Variants in ELP1 observed in about 807,000 individuals in gnomAD.
ELP1 encodes elongator acetyltransferase complex subunit 1, also known as elongator complex protein 1.
ELP1 carries 131 observed loss-of-function variants against 183.2 expected under a neutral mutation model. The ratio of observed to expected loss-of-function variants is 0.72; its 90% confidence interval spans 0.62 to 0.83. The LOEUF (loss-of-function observed/expected upper bound fraction) is 0.83. Ranked by LOEUF, ELP1 falls within the 40% of genes least tolerant of loss-of-function variation. The pLI, the probability that ELP1 is intolerant of heterozygous loss-of-function variation, is 0.00. For synonymous variants in ELP1, 555 were observed against 569.0 expected (o/e 0.98, Z 0.35); for missense variants, 1,550 against 1,594.9 (o/e 0.97, Z 0.48).
chr9:108,884,440 A>C (rs1244813097), intron 29 of ELP1, among the ~76,000 whole-genome samples: 1 of 152,196 alleles, frequency 6.6e-6, no homozygotes, highest in Non-Finnish European at 1.5e-5. Flanking sequence ...CAATAATAGT[A>C]GCTTTCATAT....
chr9:108,927,222 T>C (rs1829849350), intron 4 of ELP1, 150 bp downstream of exon 4: 3 of 669,698 alleles, frequency 4.5e-6, no homozygotes, highest in Non-Finnish European at 8.1e-6. Context: ...CACACACACA[T>C]ACATAATTGG....
At chr9:108,913,049 CGT>C (rs1829292084) in intron 10 of ELP1, among the ~76,000 whole-genome samples, 2 of 152,060 alleles carry the variant, frequency 1.3e-5, no homozygotes, top group Admixed American at 1.3e-4. Context: ...CCTGAGCCAC[CGT>C]GCCTGGCCCA....
In ELP1 at chr9:108,878,059, T is replaced by C. The variant is rs201888676; in HGVS notation, c.3791A>G (p.Gln1264Arg). ...TTCTGGAAGTGACCTTTCCATCAAC[T>C]GCAGCGTATCTTCAAAGGCCTTCTG... ...ELQKAFEDTL[Q>R]LMERSLPEIW... Residue 1264 changes from glutamine (Q) to arginine (R), a missense_variant, in exon 35 of 37, where the codon CAG (glutamine) becomes CGG (arginine). By Grantham distance (43) the Gln-to-Arg change is conservative (BLOSUM62 1). Transcript: ENST00000374647. 10 of 1,613,964 alleles carry C rather than the reference T, an allele frequency of 6.2e-6. No individual in the cohort carries two copies. Among genetic ancestry groups the C allele is most frequent in the South Asian group, 1.1e-5 (1 of 91,082 alleles).
In ELP1 at chr9:108,899,992, A is replaced by G. The variant is rs997153105; in HGVS notation, c.2131-97T>C. ...ACCTAACTCTTCACAGAGAATTACC[A>G]CAACTCTCTAAAATCAGCACACTTT... On this transcript the variant is annotated intron_variant, in intron 19 of 36. Coordinates refer to ENST00000374647, the MANE Select transcript of ELP1 (RefSeq NM_003640.5). 9.3e-6 allele frequency: 9 copies of G among 969,570 alleles called. No homozygotes were observed. In the East Asian group the frequency reaches 1.8e-4, roughly 19 times the overall value. The allele number at this position is 969,570 out of a possible 1,614,324, so 60.1% of individuals were successfully genotyped here.
chr9:108,880,125 G>A lies in ELP1; in HGVS notation c.3387C>T (p.Ala1129=), dbSNP rs760972192. Residue 1129 remains alanine, a synonymous_variant, in exon 32 of 37, where the codon GCC becomes GCT. Coordinates refer to ENST00000374647, the MANE Select transcript of ELP1 (RefSeq NM_003640.5). ...NYMAFLDSQT[A]TFSRHKKRLL... ...AACGTTTCTTGTGGCGACTGAATGT[G>A]GCTGTCTGAGAGTCCAGAAATGCCA... The A allele has an allele frequency of 6.2e-7, 1 of 1,613,978 alleles. No individual in the cohort carries two copies. Among genetic ancestry groups the A allele is most frequent in the East Asian group, 2.2e-5 (1 of 44,904 alleles).
At chr9:108,932,855 T>G (rs945234040) in intron 1 of ELP1, among the ~76,000 whole-genome samples, 1 of 152,174 alleles carries the variant, frequency 6.6e-6, no homozygotes, top group East Asian at 1.9e-4. Flanking sequence ...CTGCCTCCAC[T>G]GATTCAAACT....
At chr9:108,874,824 T>C in intron 36 of ELP1, 71 bp downstream of exon 36, 2 of 1,043,168 alleles carry the variant, frequency 1.9e-6, no homozygotes, top group Non-Finnish European at 3.0e-6. Flanking sequence ...ATACTGCTGA[T>C]CTTCTCAATA....
intron 36 of ELP1, among the ~76,000 whole-genome samples, chr9:108,872,913 CTT>C (rs1187986364): frequency 4.0e-5 from 6 of 148,560 alleles, no homozygotes; most frequent in African/African-American, 1.5e-4. Flanking sequence ...TGATTCTAGA[CTT>C]AACTTGAAAT....
Position 108,918,886 on chromosome 9 carries a change from C to G in ELP1, c.665G>C (p.Arg222Thr). The change falls in exon 8 of 37, where the codon AGA becomes ACA. Residue 222 changes from arginine to threonine, a missense_variant. Physicochemically the swap from Arg to Thr is moderately conservative, Grantham distance 71. Coordinates refer to ENST00000374647, the MANE Select transcript of ELP1 (RefSeq NM_003640.5). ...CAAAGCAAACTCTCGGTTCCACACT[C>G]TGACCTTCCGAGCCCCTGTGCGGGA... ...VCPETGARKV[R>T]VWNREFALQS... is the part of the protein sequence containing the mutation. The G allele has an allele frequency of 6.2e-7, 1 of 1,614,116 alleles. No individual in the cohort carries two copies. Among genetic ancestry groups the G allele is most frequent in the Non-Finnish European group, 8.5e-7 (1 of 1,179,942 alleles).
At chr9:108,877,130 G>A (rs896258161) in intron 35 of ELP1, among the ~76,000 whole-genome samples, 16 of 152,248 alleles carry the variant, frequency 1.1e-4, no homozygotes, top group Middle Eastern at 6.8e-3. Flanking sequence ...GCCAGGATTA[G>A]CTGGCTGGCA....
At chr9:108,898,774 G>C in intron 20 of ELP1, 25 bp from the exon 21 acceptor site, 3 of 1,547,020 alleles carry the variant, frequency 1.9e-6, no homozygotes, top group South Asian at 1.1e-5. Context: ...AGAAAGAATA[G>C]AAAAGATATT....
chr9:108,903,560 C>G lies in ELP1; in HGVS notation c.1750+3G>C. On this transcript the variant is annotated splice_donor_region_variant and intron_variant, in intron 15 of 36. Transcript: ENST00000374647. Reference sequence around the variant, plus strand: ...CATGCTTTCCTAACACCTTGATACTCACCCCAAAGGTACTTAAATATCTGG... The same window carrying G: ...CATGCTTTCCTAACACCTTGATACTGACCCCAAAGGTACTTAAATATCTGG... 1.9e-6 allele frequency: 3 copies of G among 1,594,648 alleles called. No individual in the cohort carries two copies. Among genetic ancestry groups the G allele is most frequent in the Non-Finnish European group, 2.6e-6 (3 of 1,162,482 alleles).
Position 108,929,781 on chromosome 9 carries a change from G to A in ELP1, c.291C>T (p.Leu97=). The A allele has an allele frequency of 6.2e-7, 1 of 1,614,060 alleles. No homozygotes were observed. The highest frequency in any genetic ancestry group is 8.5e-7 in the Non-Finnish European group (1 of 1,180,028). The part of the protein sequence containing the change: ...TASGDVILCS[L]STQQLECVGS... ...GTCTTCCACTTACCTGTTGTGTGCT[G>A]AGACTGCAGAGTATGACGTCTCCAG... The change falls in exon 3 of 37, where the codon CTC becomes CTT. Residue 97 remains leucine (L), a synonymous_variant. Transcript: ENST00000374647.
In ELP1 at chr9:108,897,168, C is replaced by A; in HGVS notation, c.2481G>T (p.Met827Ile). 1 of 1,614,192 alleles carries A rather than the reference C, an allele frequency of 6.2e-7. No individual in the cohort carries two copies. Among genetic ancestry groups the A allele is most frequent in the Non-Finnish European group, 8.5e-7 (1 of 1,180,040 alleles). ...CATACTTATGAGGATTTATGCTCTC[C>A]ATGACTGCTCTCATAGCATCGCAGA... is the stretch of plus-strand genomic sequence containing the variant. ...DLVCDAMRAV[M>I]ESINPHKYCL... Residue 827 changes from methionine (M) to isoleucine (I), a missense_variant, in exon 23 of 37, where the codon ATG becomes ATT. Met to Ile is a conservative substitution (Grantham distance 10). Transcript: ENST00000374647.
intron 35 of ELP1, chr9:108,875,874 G>A: frequency 4.5e-6 from 1 of 223,086 alleles, no homozygotes; most frequent in Non-Finnish European, 9.3e-6. Flanking sequence ...TACTGTCACT[G>A]CACTCTAGCC....
At chr9:108,915,971 T>C (rs1017421140) in intron 10 of ELP1, among the ~76,000 whole-genome samples, 2 of 152,050 alleles carry the variant, frequency 1.3e-5, no homozygotes, top group Admixed American at 1.3e-4. Context: ...CCCCCGAGAA[T>C]ACTGAGGGAC....
chr9:108,882,004 C>A (rs922076976), intron 30 of ELP1, 121 bp downstream of exon 30: 3 of 826,432 alleles, frequency 3.6e-6, no homozygotes, highest in East Asian at 4.9e-5. Context: ...AAGCCAGGAA[C>A]CTGACCTATT....
chr9:108,932,099 G>T (rs73526129), intron 1 of ELP1, among the ~76,000 whole-genome samples: 1 of 152,068 alleles, frequency 6.6e-6, no homozygotes, highest in African/African-American at 2.4e-5. Flanking sequence ...TTAATCCAAG[G>T]AGACTTCTCT....
In ELP1 at chr9:108,878,705, G is replaced by A; in HGVS notation, c.3618C>T (p.Ser1206=). The change falls in exon 34 of 37, where the codon AGC becomes AGT. Residue 1206 remains serine (S), a synonymous_variant. Coordinates refer to ENST00000374647, the MANE Select transcript of ELP1 (RefSeq NM_003640.5). ...CCTCCAGCGGACTGCCTTCTTTGAGGCTGTGCTTCTTCCGCTCCGCTTTTC... is the reference window on the plus strand; with the variant it reads ...CCTCCAGCGGACTGCCTTCTTTGAGACTGTGCTTCTTCCGCTCCGCTTTTC... ...NRRKAERKKH[S]LKEGSPLEDL... is the part of the protein sequence containing the mutation. The A allele has an allele frequency of 6.2e-7, 1 of 1,614,182 alleles. No individual in the cohort carries two copies. The highest frequency in any genetic ancestry group is 8.5e-7 in the Non-Finnish European group (1 of 1,180,022).
Sources: gnomAD v4.1 joint callset for allele counts (sites outside exome capture counted in the v4.1 genomes callset) on GRCh38, gnomAD v4.1.1 for gene constraint, MANE v1.5 for transcripts, NCBI Gene and HGNC (gene_info 2026-07-23, HGNC 2026-07-21) for gene names.